The following MTFR1 variants were observed in gnomAD, a reference collection of about 807,000 sequenced individuals.
The protein encoded by MTFR1 is chondrocyte protein with a poly-proline region.
MTFR1 carries 28 observed loss-of-function variants against 38.8 expected under a neutral mutation model. That is an observed-to-expected ratio of 0.72 (90% CI 0.53 to 0.99). The LOEUF (loss-of-function observed/expected upper bound fraction) is 0.99, where lower values mean the gene tolerates loss of function less well. MTFR1 is among the 50% of genes least tolerant of loss of function. The pLI is 0.00. For synonymous variants in MTFR1, 145 were observed against 137.0 expected (o/e 1.06, Z -0.41); for missense variants, 358 against 395.5 (o/e 0.91, Z 0.81).
intron 3 of MTFR1, among the ~76,000 whole-genome samples, chr8:65,755,688 A>C (rs1206737729): frequency 6.6e-6 from 1 of 152,258 alleles, no homozygotes; most frequent in Non-Finnish European, 1.5e-5. Flanking sequence ...TTATATATTT[A>C]CTTGTGTAGT....
At chr8:65,686,295 A>G (rs761859670) in intron 3 of MTFR1, among the ~76,000 whole-genome samples, 2 of 152,120 alleles carry the variant, frequency 1.3e-5, no homozygotes, top group Non-Finnish European at 2.9e-5. Context: ...TGTGGAGCCC[A>G]GCACAGTGGC....
chr8:65,765,111 T>C (rs1034861900), intron 3 of MTFR1, among the ~76,000 whole-genome samples: 2 of 152,198 alleles, frequency 1.3e-5, no homozygotes, highest in Admixed American at 1.3e-4. Context: ...GAAGAGCTTA[T>C]AGGCTACAAT....
chr8:65,695,974 A>G (rs1269182172), intron 4 of MTFR1, among the ~76,000 whole-genome samples: 5 of 152,032 alleles, frequency 3.3e-5, no homozygotes, highest in Non-Finnish European at 7.4e-5. Flanking sequence ...CCCATCACCC[A>G]AAGAGCTAAG....
At position 65,686,487 on chromosome 8, in the gene MTFR1, A is replaced by G. The variant is rs370396740; in HGVS notation, c.165+4036A>G. Among the ~76,000 whole-genome samples the G allele has an allele frequency of 2.9e-4, 43 of 150,330 alleles. 1 individual carries two copies. The East Asian group carries it at 6.4e-3, about 22-fold the overall frequency. ...CTCAGGAAGCTGAGGCAGGAGAATC[A>G]GCTTGATTCTTGAACCTGGGAGGCG... is the stretch of plus-strand genomic sequence containing the variant. On this transcript the variant is annotated intron_variant, in intron 3 of 7. Coordinates refer to ENST00000262146, the MANE Select transcript of MTFR1 (RefSeq NM_014637.4).
In MTFR1 at chr8:65,704,726, A is replaced by G. The variant is rs139115659; in HGVS notation, c.314A>G (p.Asp105Gly). The change falls in exon 5 of 8, where the codon GAT becomes GGT. Residue 105 changes from aspartate to glycine, a missense_variant. Coordinates refer to ENST00000262146, the MANE Select transcript of MTFR1 (RefSeq NM_014637.4). ...GTCAGATCAAGGCCACCCCTTCAGG[A>G]TGACCTTCTTTTCTTTGAGAAGGCC... ...TEVRSRPPLQ[D>G]DLLFFEKAPS... 2 of 1,614,046 alleles carry G rather than the reference A, an allele frequency of 1.2e-6. No homozygotes were observed. Among genetic ancestry groups the G allele is most frequent in the Non-Finnish European group, 1.7e-6 (2 of 1,180,016 alleles).
At chr8:65,749,427 TA>T (rs1356813208) in intron 3 of MTFR1, among the ~76,000 whole-genome samples, 7 of 152,326 alleles carry the variant, frequency 4.6e-5, no homozygotes, top group African/African-American at 1.4e-4. Flanking sequence ...TTCCAGTGAG[TA>T]AAATGCAAGT....
chr8:65,723,554 G>A lies in MTFR1; in HGVS notation c.*48+4073G>A. 4.4e-6 allele frequency: 7 copies of A among 1,575,940 alleles called. 1 individual carries two copies. The South Asian group carries it at 7.3e-5, about 16-fold the overall frequency. On this transcript the variant is annotated intron_variant, in intron 3 of 3. Coordinates refer to the MTFR1 transcript ENST00000521247. ...ATGTATAGTTACCAATCTGGATGTT[G>A]GCAATAGATTCAGTGTGACGATCGC... is the stretch of plus-strand genomic sequence containing the variant.
intron 3 of MTFR1, chr8:65,747,853 A>G: frequency 7.9e-7 from 1 of 1,270,730 alleles, no homozygotes; most frequent in Non-Finnish European, 1.1e-6. Context: ...AATTATACAC[A>G]TGCTATCTTT....
chr8:65,701,315 A>G (rs1309392679), intron 4 of MTFR1, among the ~76,000 whole-genome samples: 2 of 152,246 alleles, frequency 1.3e-5, no homozygotes, highest in South Asian at 2.1e-4. Context: ...ATAAATATAC[A>G]GTATAACATT....
intron 3 of MTFR1, among the ~76,000 whole-genome samples, chr8:65,754,201 C>T (rs1180635889): frequency 6.6e-6 from 1 of 152,022 alleles, no homozygotes; most frequent in Non-Finnish European, 1.5e-5. Context: ...TGTTTTTCTG[C>T]TTGCTTTATA....
chr8:65,772,916 G>A (rs541364687), downstream of MTFR1, among the ~76,000 whole-genome samples: 1 of 152,166 alleles, frequency 6.6e-6, no homozygotes, highest in Non-Finnish European at 1.5e-5. Context: ...GCTGAGGTGG[G>A]AGAATCACTT....
intron 3 of MTFR1, chr8:65,719,718 A>G: frequency 1.8e-6 from 1 of 553,332 alleles, no homozygotes. Flanking sequence ...AGTAAAAGTG[A>G]ACTGACAAAT....
At chr8:65,739,693 A>T in intron 3 of MTFR1, 1 of 1,206,632 alleles carries the variant, frequency 8.3e-7, no homozygotes, top group Non-Finnish European at 1.1e-6. Flanking sequence ...AAAACATGGA[A>T]AGAGTAATAA....
intron 3 of MTFR1, among the ~76,000 whole-genome samples, chr8:65,769,781 T>C (rs909906527): frequency 6.6e-6 from 1 of 152,034 alleles, no homozygotes; most frequent in Non-Finnish European, 1.5e-5. Flanking sequence ...CCGTAATCCT[T>C]GCTACTCAGG....
downstream of MTFR1, among the ~76,000 whole-genome samples, chr8:65,772,235 T>C (rs1218637890): frequency 6.6e-6 from 1 of 152,178 alleles, no homozygotes; most frequent in African/African-American, 2.4e-5. Context: ...TTTAATGAAT[T>C]TAATACACAT....
chr8:65,716,135 C>T (rs1450598531), intron 2 of MTFR1, among the ~76,000 whole-genome samples: 1 of 139,414 alleles, frequency 7.2e-6, no homozygotes, highest in Admixed American at 7.5e-5. Flanking sequence ...TAGTTAGCAG[C>T]GAGACCCTGT....
intron 3 of MTFR1, among the ~76,000 whole-genome samples, chr8:65,741,769 T>C (rs1807447006): frequency 6.6e-6 from 1 of 152,252 alleles, no homozygotes. Context: ...TTATTCATTC[T>C]CTGTATATTT....
chr8:65,645,692 T>TCCCCC (rs1554544273), intron 1 of MTFR1, among the ~76,000 whole-genome samples: 1 of 83,174 alleles, frequency 1.2e-5, no homozygotes, highest in Non-Finnish European at 2.2e-5. Context: ...CGCCCGGCTT[T>TCCCCC]CCCCCCCCCC....
chr8:65,657,545 A>T (rs1487224500), intron 1 of MTFR1, among the ~76,000 whole-genome samples: 2 of 152,002 alleles, frequency 1.3e-5, no homozygotes, highest in South Asian at 2.1e-4. Flanking sequence ...TCTAAAAAAA[A>T]TTTAAAAAAA....
Sources: gnomAD v4.1 joint callset for allele counts (sites outside exome capture counted in the v4.1 genomes callset) on GRCh38, gnomAD v4.1.1 for gene constraint, MANE v1.5 for transcripts, NCBI Gene and HGNC (gene_info 2026-07-23, HGNC 2026-07-21) for gene names.